The following PKD1L3 variants were observed in gnomAD, a reference collection of about 807,000 sequenced individuals.
The protein encoded by PKD1L3 is polycystin-1-like protein 3.
PKD1L3 carries 239 observed loss-of-function variants against 184.1 expected under a neutral mutation model. The observed-to-expected ratio is 1.30, with a 90% CI of 1.17 to 1.45. PKD1L3 has a LOEUF of 1.45. Among genes scored for constraint, PKD1L3 ranks in the 40% most tolerant of loss-of-function variants. The pLI, the probability that PKD1L3 is intolerant of heterozygous loss-of-function variation, is 0.00. For missense variants in PKD1L3, 2,660 were observed against 2,067.2 expected (o/e 1.29, Z -5.56); for synonymous variants, 996 against 778.8 (o/e 1.28, Z -4.64).
chr16:71,976,685 G>C (rs936094394), intron 11 of PKD1L3, among the ~76,000 whole-genome samples: 21 of 152,354 alleles, frequency 1.4e-4, no homozygotes, highest in African/African-American at 4.8e-4. Flanking sequence ...TCAGGAGGCT[G>C]AGACAGGAAG....
At chr16:71,971,656 G>A (rs1205399658) in intron 12 of PKD1L3, among the ~76,000 whole-genome samples, 2 of 152,144 alleles carry the variant, frequency 1.3e-5, no homozygotes, top group Non-Finnish European at 2.9e-5. Context: ...AGCAGCACTG[G>A]GATCAGCTGG....
rs774498500 is a variant in PKD1L3 at position 71,947,542 on chromosome 16, C to T, written c.3668G>A (p.Arg1223Gln). 126 of 1,547,860 alleles carry T rather than the reference C, an allele frequency of 8.1e-5. 1 individual carries two copies. Among genetic ancestry groups the T allele is most frequent in the Non-Finnish European group, 9.0e-5 (103 of 1,143,820 alleles). The part of the protein sequence containing the change: ...LYSLMMSRMP[R>Q]LNKENEQQTK... ...TTGTTGTTCATTCTCTTTGTTAAGCCGTGGCATCCTGCTCATCATCAGTGA... is the reference window on the plus strand; with the variant it reads ...TTGTTGTTCATTCTCTTTGTTAAGCTGTGGCATCCTGCTCATCATCAGTGA... Residue 1223 changes from arginine to glutamine, a missense_variant, in exon 22 of 30, where the codon CGG becomes CAG. Transcript: ENST00000620267.
chr16:71,944,124 G>T lies in PKD1L3; in HGVS notation c.3765C>A (p.Pro1255=). The T allele has an allele frequency of 6.4e-7, 1 of 1,551,292 alleles. No individual in the cohort carries two copies. Among genetic ancestry groups the T allele is most frequent in the Non-Finnish European group, 8.7e-7 (1 of 1,146,574 alleles). Residue 1255 remains proline (P), a synonymous_variant, in exon 23 of 30, where the codon CCC becomes CCA. Transcript: ENST00000620267. ...TATTTATAGCTGGGGCTACATAGAC[G>T]GGGTTGTTCTTATCTCTTGAACCTG... ...SVPGSRDKNN[P]VYVAPAINSP... is the part of the protein sequence containing the mutation.
At chr16:71,978,643 G>A (rs554364721) in intron 9 of PKD1L3, among the ~76,000 whole-genome samples, 79 of 151,114 alleles carry the variant, frequency 5.2e-4, no homozygotes, top group Non-Finnish European at 1.0e-3. Context: ...AGGTTCAAGC[G>A]ATTCTCCTGC....
At chr16:71,955,054 A>C (rs2038992474) in intron 16 of PKD1L3, among the ~76,000 whole-genome samples, 1 of 152,202 alleles carries the variant, frequency 6.6e-6, no homozygotes, top group South Asian at 2.1e-4. Context: ...AAAAAAGGAC[A>C]GCTTCATGAC....
chr16:71,963,306 C>A lies in PKD1L3; in HGVS notation c.2511G>T (p.Lys837Asn). Residue 837 changes from lysine (K) to asparagine (N), a missense_variant, in exon 16 of 30, where the codon AAG becomes AAT. Physicochemically the swap from Lys to Asn is moderately conservative, Grantham distance 94. Transcript: ENST00000620267. The stretch of plus-strand genomic sequence containing the variant: ...GCCAGCAATTGCACAGGAAATGCCA[C>A]TTCCTCTTAACTGCCATGTCACAGA... Reference protein sequence around the residue: ...VIVCDMAVKRKWHFLCNCWLA... With the variant: ...VIVCDMAVKRNWHFLCNCWLA... 2 of 1,551,384 alleles carry A rather than the reference C, an allele frequency of 1.3e-6. No homozygotes were observed. Among genetic ancestry groups the A allele is most frequent in the Non-Finnish European group, 1.7e-6 (2 of 1,146,822 alleles).
intron 28 of PKD1L3, chr16:71,930,762 A>T (rs924078395): frequency 6.6e-6 from 1 of 152,208 alleles, no homozygotes; most frequent in Non-Finnish European, 1.5e-5. Flanking sequence ...AATGGTTCCC[A>T]TAACAAAAAC....
At chr16:71,992,217 G>C (rs192238064) in intron 3 of PKD1L3, among the ~76,000 whole-genome samples, 4 of 152,226 alleles carry the variant, frequency 2.6e-5, no homozygotes, top group Non-Finnish European at 5.9e-5. Flanking sequence ...TAAATATTAG[G>C]CATATTGCTT....
chr16:71,957,712 G>T (rs1302397258), intron 16 of PKD1L3, among the ~76,000 whole-genome samples: 1 of 152,150 alleles, frequency 6.6e-6, no homozygotes, highest in African/African-American at 2.4e-5. Flanking sequence ...CAGGACAATT[G>T]CTTGAACCCA....
intron 24 of PKD1L3, among the ~76,000 whole-genome samples, chr16:71,937,976 G>A (rs1335759821): frequency 2.6e-5 from 4 of 152,172 alleles, no homozygotes; most frequent in African/African-American, 9.7e-5. Flanking sequence ...TGCAGTGGGA[G>A]GCATGGCCGG....
rs1458037411 is a variant in PKD1L3 at position 71,967,258 on chromosome 16, G to T, written c.2344C>A (p.Pro782Thr). ...GRSEPHHLCD[P>T]QKTVFERGGL... The stretch of plus-strand genomic sequence containing the variant: ...CCTCGTTCAAAGACTGTCTTCTGGG[G>T]GTCACAGAGGTGATGGGGCTCACTC... Residue 782 changes from proline (P) to threonine (T), a missense_variant, in exon 15 of 30, where the codon CCC becomes ACC. Coordinates refer to ENST00000620267, the MANE Select transcript of PKD1L3 (RefSeq NM_181536.2). 3 of 1,551,522 alleles carry T rather than the reference G, an allele frequency of 1.9e-6. No homozygotes were observed. The African/African-American group carries it at 4.1e-5, about 21-fold the overall frequency.
At chr16:71,984,590 T>G (rs2040285958) in intron 5 of PKD1L3, among the ~76,000 whole-genome samples, 2 of 152,218 alleles carry the variant, frequency 1.3e-5, no homozygotes, top group South Asian at 4.1e-4. Flanking sequence ...CTGGGCGTGA[T>G]GGCTCACGCC....
chr16:71,951,360 C>T (rs2038826423), intron 19 of PKD1L3, among the ~76,000 whole-genome samples: 1 of 152,172 alleles, frequency 6.6e-6, no homozygotes, highest in African/African-American at 2.4e-5. Flanking sequence ...TAATCCTGTA[C>T]TTTGTTTCAC....
chr16:71,993,344 C>G lies in PKD1L3; in HGVS notation c.419-12G>C, dbSNP rs2040664694. ...GTCCAAAAAGTCACCTATTTGAAAGCCAACACACAAGTTAATTTATAGGTT... is the reference window on the plus strand; with the variant it reads ...GTCCAAAAAGTCACCTATTTGAAAGGCAACACACAAGTTAATTTATAGGTT... On this transcript the variant is annotated splice_polypyrimidine_tract_variant and intron_variant, in intron 2 of 29. Coordinates refer to ENST00000620267, the MANE Select transcript of PKD1L3 (RefSeq NM_181536.2). 1 of 1,492,078 alleles carries G rather than the reference C, an allele frequency of 6.7e-7. No homozygotes were observed. The highest frequency in any genetic ancestry group is 9.1e-7 in the Non-Finnish European group (1 of 1,098,124). The allele number at this position is 1,492,078 out of a possible 1,614,324, so 92.4% of individuals were successfully genotyped here. A position where few individuals can be genotyped will look rare whatever the true frequency, so the allele number is the denominator to read the frequency against.
intron 16 of PKD1L3, among the ~76,000 whole-genome samples, chr16:71,959,390 A>C (rs556934222): frequency 6.6e-6 from 1 of 152,304 alleles, no homozygotes; most frequent in African/African-American, 2.4e-5. Flanking sequence ...AGCCTGGGCA[A>C]CAAGAGCAAA....
At position 71,958,343 on chromosome 16, in the gene PKD1L3, C is replaced by G. The variant is rs1190663633; in HGVS notation, c.2613-4042G>C. ...CGGAGCTTGCAGTGAGCCGAGATCCCGCCACTGCACTCCAGCCTGGGCGAC... is the reference window on the plus strand; with the variant it reads ...CGGAGCTTGCAGTGAGCCGAGATCCGGCCACTGCACTCCAGCCTGGGCGAC... On this transcript the variant is annotated intron_variant, in intron 16 of 29. Transcript: ENST00000620267. Among the ~76,000 whole-genome samples, 7 of 140,792 alleles carry G rather than the reference C, an allele frequency of 5.0e-5. No individual in the cohort carries two copies. In the Admixed American group the frequency reaches 5.0e-4, roughly 10 times the overall value. 92.4% of individuals were successfully genotyped at this position (140,792 alleles called of 152,430 possible). A position where few individuals can be genotyped will look rare whatever the true frequency, so the allele number is the denominator to read the frequency against.
intron 16 of PKD1L3, among the ~76,000 whole-genome samples, chr16:71,959,130 G>A (rs533181875): frequency 1.1e-4 from 16 of 144,786 alleles, no homozygotes; most frequent in African/African-American, 3.6e-4. Flanking sequence ...CAGAAAACTA[G>A]GCTGGGCACG....
chr16:71,947,920 C>CT (rs545301438), intron 21 of PKD1L3, among the ~76,000 whole-genome samples: 103,102 of 143,812 alleles, frequency 0.72, 37,415 homozygotes, highest in East Asian at 0.97. Context: ...GATCCAGACT[C>CT]TTTTTTTTTT....
chr16:71,953,655 G>A (rs2038935403), intron 17 of PKD1L3, among the ~76,000 whole-genome samples: 1 of 152,050 alleles, frequency 6.6e-6, no homozygotes, highest in African/African-American at 2.4e-5. Flanking sequence ...GTGCAGTGGT[G>A]CAATCTCGGC....
Sources: allele counts gnomAD v4.1 joint callset (sites outside exome capture counted in the v4.1 genomes callset), GRCh38; gene constraint gnomAD v4.1.1; transcripts MANE v1.5; gene names NCBI Gene and HGNC (gene_info 2026-07-23, HGNC 2026-07-21).